Variants in CFAP299 observed in about 807,000 individuals in gnomAD.
CFAP299 encodes cilia and flagella associated protein 299, also known as cilia- and flagella-associated protein 299.
Under a neutral mutation model 27.0 loss-of-function variants are expected in CFAP299, and 21 were observed. The observed-to-expected ratio is 0.78, with a 90% CI of 0.55 to 1.12. The LOEUF (loss-of-function observed/expected upper bound fraction) is 1.12. CFAP299 is among the 50% of genes most tolerant of loss of function. The pLI is 0.00. For synonymous variants in CFAP299, 104 were observed against 98.1 expected (o/e 1.06, Z -0.36); for missense variants, 310 against 276.6 (o/e 1.12, Z -0.86).
intron 5 of CFAP299, among the ~76,000 whole-genome samples, chr4:80,952,797 G>A (rs1188015606): frequency 6.6e-6 from 1 of 151,896 alleles, no homozygotes. Context: ...CCCCACGCAA[G>A]CACTTGCTAC....
intron 3 of CFAP299, among the ~76,000 whole-genome samples, chr4:80,679,750 T>G (rs1371075256): frequency 6.6e-6 from 1 of 151,710 alleles, no homozygotes; most frequent in Non-Finnish European, 1.5e-5. Context: ...GGGTTTTTTT[T>G]TTTTTTGCTT....
chr4:80,458,912 G>A (rs1212923053), intron 2 of CFAP299, among the ~76,000 whole-genome samples: 3 of 152,072 alleles, frequency 2.0e-5, no homozygotes, highest in Non-Finnish European at 2.9e-5. Context: ...CTAAAACCAG[G>A]CAGCAAGCCT....
At chr4:80,673,842 C>CT (rs201682901) in intron 3 of CFAP299, among the ~76,000 whole-genome samples, 16,552 of 128,596 alleles carry the variant, frequency 0.13, 1,581 homozygotes, top group East Asian at 0.28. Flanking sequence ...CAAACTCTGC[C>CT]TTTTTTTTTT....
At chr4:80,857,848 G>A (rs1408111545) in intron 3 of CFAP299, among the ~76,000 whole-genome samples, 1 of 152,190 alleles carries the variant, frequency 6.6e-6, no homozygotes, top group African/African-American at 2.4e-5. Flanking sequence ...GTTCATCAAG[G>A]ATATTGGTCT....
Position 80,864,439 on chromosome 4 carries a change from T to TAC in CFAP299, c.334-5553_334-5552insCA, listed in dbSNP as rs548887220. On this transcript the variant is annotated intron_variant, in intron 3 of 5. Coordinates refer to ENST00000358105, the MANE Select transcript of CFAP299 (RefSeq NM_152770.3). ...ATGTGTATATATATAGGTATATATA[T>TAC]ATATATATACCTATATAAGTATATA... is the stretch of plus-strand genomic sequence containing the variant. Among the ~76,000 whole-genome samples, 1,234 of 146,702 alleles carry TAC rather than the reference T, an allele frequency of 8.4e-3. 9 individuals are homozygous for TAC. The highest frequency in any genetic ancestry group is 0.014 in the Middle Eastern group (4 of 280).
At chr4:80,824,959 A>T (rs1729904643) in intron 3 of CFAP299, among the ~76,000 whole-genome samples, 1 of 152,060 alleles carries the variant, frequency 6.6e-6, no homozygotes, top group South Asian at 2.1e-4. Flanking sequence ...CTAGACAAAG[A>T]CTTTCCTAAA....
intron 2 of CFAP299, among the ~76,000 whole-genome samples, chr4:80,546,329 A>G (rs1734226234): frequency 1.3e-5 from 2 of 152,282 alleles, no homozygotes; most frequent in East Asian, 1.9e-4. Flanking sequence ...CTATACACCA[A>G]TACTATTCAA....
At chr4:80,767,398 A>G (rs983096596) in intron 3 of CFAP299, among the ~76,000 whole-genome samples, 2 of 152,128 alleles carry the variant, frequency 1.3e-5, no homozygotes, top group African/African-American at 4.8e-5. Context: ...TCACGAGGTC[A>G]GGAGATCAAG....
intron 5 of CFAP299, among the ~76,000 whole-genome samples, chr4:80,946,128 T>C (rs1369813674): frequency 6.6e-6 from 1 of 151,206 alleles, no homozygotes. Flanking sequence ...AATAACCATG[T>C]CTTTAAAGAA....
chr4:80,575,346 G>A (rs867068376), intron 2 of CFAP299, among the ~76,000 whole-genome samples: 10 of 146,898 alleles, frequency 6.8e-5, no homozygotes, highest in African/African-American at 2.3e-4. Flanking sequence ...TTTTTTTTGA[G>A]AACAGATCTC....
At chr4:80,440,777 A>G (rs1309946765) in intron 2 of CFAP299, among the ~76,000 whole-genome samples, 1 of 152,228 alleles carries the variant, frequency 6.6e-6, no homozygotes, top group Non-Finnish European at 1.5e-5. Context: ...AAAGGAGCAT[A>G]TTCTAACCCA....
intron 2 of CFAP299, among the ~76,000 whole-genome samples, chr4:80,430,635 C>T (rs764911974): frequency 1.2e-4 from 18 of 152,102 alleles, no homozygotes; most frequent in African/African-American, 2.4e-4. Context: ...CTCCCCTAAA[C>T]GCCGTTCTCA....
At chr4:80,362,382 G>T (rs1341171478) in intron 1 of CFAP299, among the ~76,000 whole-genome samples, 2 of 150,662 alleles carry the variant, frequency 1.3e-5, no homozygotes, top group Non-Finnish European at 3.0e-5. Context: ...TGTCTTTTGT[G>T]TATGAGTACC....
chr4:80,645,005 C>T (rs138440177), intron 3 of CFAP299, among the ~76,000 whole-genome samples: 3 of 152,034 alleles, frequency 2.0e-5, no homozygotes, highest in Non-Finnish European at 4.4e-5. Context: ...ACCAGCCCCC[C>T]CTCAGAAATC....
At chr4:80,900,642 A>G (rs1022906347) in intron 4 of CFAP299, among the ~76,000 whole-genome samples, 1 of 152,090 alleles carries the variant, frequency 6.6e-6, no homozygotes, top group African/African-American at 2.4e-5. Context: ...GAAAAGCCCT[A>G]GAAGAAAAGG....
intron 2 of CFAP299, among the ~76,000 whole-genome samples, chr4:80,518,048 T>C (rs1732672575): frequency 6.6e-6 from 1 of 151,954 alleles, no homozygotes; most frequent in Non-Finnish European, 1.5e-5. Flanking sequence ...CAGTTTTAGG[T>C]GATGACAAGG....
At chr4:80,752,406 A>T (rs950368008) in intron 3 of CFAP299, among the ~76,000 whole-genome samples, 11 of 146,342 alleles carry the variant, frequency 7.5e-5, no homozygotes, top group Admixed American at 2.7e-4. Flanking sequence ...ATATATTTAT[A>T]TATATATATA....
At position 80,392,053 on chromosome 4, in the gene CFAP299, T is replaced by C. The variant is rs114147455; in HGVS notation, c.242+29169T>C. Reference sequence around the variant, plus strand: ...GGAAATTTAAGATATGACTTCCCTATTGGATTTCTGACTTAGACCTTTTCG... The same window carrying C: ...GGAAATTTAAGATATGACTTCCCTACTGGATTTCTGACTTAGACCTTTTCG... On this transcript the variant is annotated intron_variant, in intron 2 of 5. Transcript: ENST00000358105. 3.4e-3 allele frequency among the ~76,000 whole-genome samples: 520 copies of C among 152,356 alleles called. 1 individual carries two copies. Among genetic ancestry groups the C allele is most frequent in the African/African-American group, 0.012 (489 of 41,588 alleles).
At chr4:80,426,624 G>A (rs2110074701) in intron 2 of CFAP299, among the ~76,000 whole-genome samples, 1 of 152,296 alleles carries the variant, frequency 6.6e-6, no homozygotes, top group East Asian at 1.9e-4. Context: ...AGAATCTCCA[G>A]GGAGAGGGGC....
Sources: gnomAD v4.1 joint callset for allele counts (sites outside exome capture counted in the v4.1 genomes callset) on GRCh38, gnomAD v4.1.1 for gene constraint, MANE v1.5 for transcripts, NCBI Gene and HGNC (gene_info 2026-07-23, HGNC 2026-07-21) for gene names.